GLT1D1: variants seen among roughly 807,000 people sequenced by gnomAD.
GLT1D1 encodes the protein glycosyltransferase 1 domain-containing protein 1.
Under a neutral mutation model 28.7 loss-of-function variants are expected in GLT1D1, and 21 were observed. The observed-to-expected ratio is 0.73, with a 90% CI of 0.52 to 1.05. The LOEUF (loss-of-function observed/expected upper bound fraction) is 1.05. GLT1D1 is among the 50% of genes least tolerant of loss of function. The pLI is 0.00. For synonymous variants in GLT1D1, 147 were observed against 124.8 expected (o/e 1.18, Z -1.19); for missense variants, 343 against 330.6 (o/e 1.04, Z -0.29).
intron 4 of GLT1D1, among the ~76,000 whole-genome samples, chr12:128,926,147 A>G (rs1873180287): frequency 2.6e-5 from 4 of 151,274 alleles, no homozygotes; most frequent in Admixed American, 2.6e-4. Context: ...CCGAGCCGAG[A>G]TTGCACCACT....
At chr12:128,924,382 G>A (rs938194373) in intron 4 of GLT1D1, among the ~76,000 whole-genome samples, 12 of 150,598 alleles carry the variant, frequency 8.0e-5, no homozygotes, top group African/African-American at 2.7e-4. Flanking sequence ...AGCCGAGATC[G>A]TGCTGCTGCA....
At chr12:128,946,642 T>C (rs398044237) in intron 5 of GLT1D1, among the ~76,000 whole-genome samples, 9,301 of 63,532 alleles carry the variant, frequency 0.15, 644 homozygotes, top group Middle Eastern at 0.28. Context: ...CTCCTTTTTT[T>C]TTTTTTTTTT....
intron 4 of GLT1D1, among the ~76,000 whole-genome samples, chr12:128,922,263 C>T (rs904930488): frequency 5.9e-5 from 9 of 151,670 alleles, no homozygotes; most frequent in African/African-American, 2.2e-4. Flanking sequence ...CTGGTTTCTC[C>T]GTGTACTGTA....
In GLT1D1 at chr12:128,888,700, G is replaced by A; in HGVS notation, c.279G>A (p.Gln93=). The change falls in exon 3 of 8, where the codon CAG becomes CAA. Residue 93 remains glutamine (Q), a synonymous_variant. Transcript: ENST00000281703. ...CTGATGTAAATGAAGATGCCAACCA[G>A]GCGGAAAAAAACACAGTCATGGGCA... 6.2e-7 allele frequency: 1 copy of A among 1,613,918 alleles called. No homozygotes were observed. Among genetic ancestry groups the A allele is most frequent in the African/African-American group, 1.3e-5 (1 of 74,992 alleles).
At chr12:128,968,447 G>A (rs1394401923) in intron 7 of GLT1D1, among the ~76,000 whole-genome samples, 5 of 151,670 alleles carry the variant, frequency 3.3e-5, no homozygotes, top group Non-Finnish European at 5.9e-5. Flanking sequence ...GAGGCAGGTG[G>A]ATCACTTGAG....
At position 128,879,376 on chromosome 12, in the gene GLT1D1, CTTTTTCTT is replaced by C. The variant is rs1305754385; in HGVS notation, c.217+3316_217+3323del. 2.6e-3 allele frequency among the ~76,000 whole-genome samples: 216 copies of C among 83,914 alleles called. 13 individuals carry two copies. The highest frequency in any genetic ancestry group is 4.2e-3 in the African/African-American group (78 of 18,422). The allele number at this position is 83,914 out of a possible 152,430, so 55.1% of individuals were successfully genotyped here. On this transcript the variant is annotated intron_variant, in intron 2 of 7. Coordinates refer to ENST00000281703, the MANE Select transcript of GLT1D1 (RefSeq NM_144669.3). Reference sequence around the variant, plus strand: ...GTAAAGTGATACTTATTATTTTTTTCTTTTTCTTTCTTTCTTTCTTTCTTTCTTTCTTT... The same window carrying C: ...GTAAAGTGATACTTATTATTTTTTTCTCTTTCTTTCTTTCTTTCTTTCTTT...
intron 1 of GLT1D1, among the ~76,000 whole-genome samples, chr12:128,867,277 C>G (rs1243034502): frequency 2.6e-5 from 4 of 151,248 alleles, no homozygotes; most frequent in African/African-American, 9.7e-5. Flanking sequence ...CCTGTAATCC[C>G]AGGCATGTAC....
At chr12:128,898,121 C>A (rs1869856634) in intron 3 of GLT1D1, among the ~76,000 whole-genome samples, 1 of 151,216 alleles carries the variant, frequency 6.6e-6, no homozygotes, top group Non-Finnish European at 1.5e-5. Context: ...TCTTTGAATT[C>A]TTCTTCTTCT....
At chr12:128,859,688 C>T (rs1956310217) in intron 1 of GLT1D1, among the ~76,000 whole-genome samples, 1 of 152,104 alleles carries the variant, frequency 6.6e-6, no homozygotes, top group Non-Finnish European at 1.5e-5. Flanking sequence ...AGGATTGCAC[C>T]ATGAAAGGCC....
At chr12:128,946,163 G>A (rs1427314536) in intron 5 of GLT1D1, among the ~76,000 whole-genome samples, 1 of 152,200 alleles carries the variant, frequency 6.6e-6, no homozygotes, top group Non-Finnish European at 1.5e-5. Context: ...AGGCCTGGCA[G>A]AGCCATGAGA....
At chr12:128,860,354 G>A (rs565281106) in intron 1 of GLT1D1, among the ~76,000 whole-genome samples, 3 of 152,292 alleles carry the variant, frequency 2.0e-5, no homozygotes, top group South Asian at 2.1e-4. Flanking sequence ...CCAGCTACTC[G>A]GGAGGCTGAG....
chr12:128,893,034 C>G (rs1051387597), intron 3 of GLT1D1, among the ~76,000 whole-genome samples: 3 of 152,214 alleles, frequency 2.0e-5, no homozygotes, highest in Admixed American at 2.0e-4. Flanking sequence ...TCACTGAGGT[C>G]AGGAGTTTGA....
intron 1 of GLT1D1, among the ~76,000 whole-genome samples, chr12:128,870,821 T>C (rs1355974749): frequency 6.6e-6 from 1 of 151,138 alleles, no homozygotes; most frequent in Non-Finnish European, 1.5e-5. Flanking sequence ...TGAAACTCCA[T>C]CTCTACTAAA....
intron 1 of GLT1D1, among the ~76,000 whole-genome samples, chr12:128,856,907 A>T (rs515676): frequency 5.9e-5 from 9 of 152,056 alleles, no homozygotes; most frequent in Non-Finnish European, 1.3e-4. Context: ...CGGAGGTTGC[A>T]TGAGCCAAGA....
chr12:128,918,942 C>A (rs552723703), intron 4 of GLT1D1, among the ~76,000 whole-genome samples: 2 of 152,190 alleles, frequency 1.3e-5, no homozygotes, highest in Non-Finnish European at 2.9e-5. Flanking sequence ...ACCTACTTGG[C>A]TGCTGCTTAA....
intron 7 of GLT1D1, among the ~76,000 whole-genome samples, chr12:128,964,367 G>A (rs1438153837): frequency 1.3e-5 from 2 of 152,218 alleles, no homozygotes; most frequent in Non-Finnish European, 2.9e-5. Context: ...CTGGGTGACA[G>A]AGTGAGACCC....
At chr12:128,977,765 CTTTTTTCTTTTTTCT>C (rs369081266) in intron 7 of GLT1D1, among the ~76,000 whole-genome samples, 31,474 of 141,168 alleles carry the variant, frequency 0.22, 3,280 homozygotes, top group South Asian at 0.29. Flanking sequence ...GAGTTCTTTT[CTTTTTTCTTTTTTCT>C]TTTTTTTTTT....
At position 128,951,386 on chromosome 12, in the gene GLT1D1, G is replaced by A. The variant is rs183664232; in HGVS notation, c.540+3928G>A. 7.2e-5 allele frequency among the ~76,000 whole-genome samples: 11 copies of A among 152,300 alleles called. No homozygotes were observed. The East Asian group carries it at 2.1e-3, about 29-fold the overall frequency. On this transcript the variant is annotated intron_variant, in intron 6 of 7. Coordinates refer to ENST00000281703, the MANE Select transcript of GLT1D1 (RefSeq NM_144669.3). ...CCACTGTACTCCAGCCTGGGTGACA[G>A]AGCGAGACTCCATCTCAAACAAAAC...
At chr12:128,908,064 G>A (rs1040761346) in intron 4 of GLT1D1, among the ~76,000 whole-genome samples, 3 of 152,112 alleles carry the variant, frequency 2.0e-5, no homozygotes, top group African/African-American at 7.2e-5. Context: ...GAAGGGTCAC[G>A]GGTTGTTCTT....
Sources: gnomAD v4.1 joint callset for allele counts (sites outside exome capture counted in the v4.1 genomes callset) on GRCh38, gnomAD v4.1.1 for gene constraint, MANE v1.5 for transcripts, NCBI Gene and HGNC (gene_info 2026-07-23, HGNC 2026-07-21) for gene names.